The following TMCC2 variants were observed in gnomAD, a reference collection of about 807,000 sequenced individuals.
TMCC2 encodes transmembrane and coiled-coil domains protein 2.
A neutral mutation model predicts 49.4 loss-of-function variants in TMCC2; 16 were observed. The observed-to-expected ratio is 0.32, with a 90% confidence interval of 0.22 to 0.49. The LOEUF (loss-of-function observed/expected upper bound fraction) is 0.49. TMCC2 is among the 20% of genes least tolerant of loss of function. The probability of loss-of-function intolerance (pLI) is 0.99; values close to 1 mark genes in which losing one functional copy is unlikely to be tolerated. For synonymous variants in TMCC2, 397 were observed against 434.1 expected (o/e 0.91, Z 1.06); for missense variants, 762 against 989.8 (o/e 0.77, Z 3.09).
At chr1:205,230,577 C>T (rs2102515188) in intron 1 of TMCC2, among the ~76,000 whole-genome samples, 1 of 152,286 alleles carries the variant, frequency 6.6e-6, no homozygotes, top group Admixed American at 6.5e-5. Flanking sequence ...CTGAGCCGGT[C>T]CAGATGAGTC....
At chr1:205,259,585 G>C (rs1661021022) in intron 2 of TMCC2, among the ~76,000 whole-genome samples, 2 of 152,312 alleles carry the variant, frequency 1.3e-5, no homozygotes, top group Middle Eastern at 3.4e-3. Flanking sequence ...TGTCTACTGT[G>C]TGCCTCCCGG....
At chr1:205,228,804 C>G (rs1250057085) in intron 1 of TMCC2, 33 bp downstream of exon 1, 4 of 1,555,906 alleles carry the variant, frequency 2.6e-6, no homozygotes, top group Non-Finnish European at 3.5e-6. Context: ...GCAAGCCCAG[C>G]CCGCGACTTA....
chr1:205,271,013 G>T (rs1668868), intron 3 of TMCC2, 107 bp from the exon 4 acceptor site: 544,211 of 1,466,914 alleles, frequency 0.37, 105,244 homozygotes, highest in African/African-American at 0.54. Flanking sequence ...GCTGGACACG[G>T]GGGATGGGCT....
Position 205,252,412 on chromosome 1 carries a change from A to G in TMCC2, c.747+10368A>G, listed in dbSNP as rs140243031. Among the ~76,000 whole-genome samples the G allele has an allele frequency of 4.9e-4, 74 of 152,348 alleles. 1 individual carries two copies. In the East Asian group the frequency reaches 0.011, roughly 23 times the overall value. Reference sequence around the variant, plus strand: ...ATTCCTCCACGTATTCCTAGGAAGCATGCCCACCTGGGTTGCTGCTGTTCA... The same window carrying G: ...ATTCCTCCACGTATTCCTAGGAAGCGTGCCCACCTGGGTTGCTGCTGTTCA... On this transcript the variant is annotated intron_variant, in intron 2 of 4. Coordinates refer to ENST00000358024, the MANE Select transcript of TMCC2 (RefSeq NM_014858.4).
At chr1:205,270,727 C>T (rs1430042436) in intron 3 of TMCC2, among the ~76,000 whole-genome samples, 2 of 152,194 alleles carry the variant, frequency 1.3e-5, no homozygotes. Context: ...ACCCAGAGAG[C>T]ATCTGAGCCT....
At chr1:205,254,523 C>G (rs765453689) in intron 2 of TMCC2, among the ~76,000 whole-genome samples, 2 of 152,200 alleles carry the variant, frequency 1.3e-5, no homozygotes, top group Non-Finnish European at 2.9e-5. Flanking sequence ...AAGCATTGCT[C>G]TGCTGCTAGC....
At chr1:205,229,565 C>A (rs1032229054) in intron 1 of TMCC2, 6 of 481,450 alleles carry the variant, frequency 1.2e-5, no homozygotes, top group African/African-American at 1.3e-4. Flanking sequence ...GGGGTGGTGG[C>A]GGGGGCGGGG....
At chr1:205,258,483 A>G (rs1660968261) in intron 2 of TMCC2, among the ~76,000 whole-genome samples, 1 of 151,814 alleles carries the variant, frequency 6.6e-6, no homozygotes, top group African/African-American at 2.4e-5. Context: ...CACCAATTAA[A>G]CCGATAGGTA....
rs376579597 is a variant in TMCC2 at position 205,272,163 on chromosome 1, G to T, written c.*39G>T. 2.8e-5 allele frequency: 45 copies of T among 1,594,732 alleles called. No individual in the cohort carries two copies. The African/African-American group carries it at 5.0e-4, about 18-fold the overall frequency. The stretch of plus-strand genomic sequence containing the variant: ...CCAACCCTGTGCTCTCTGGCCCCCA[G>T]CTGGCCACACTTCTCCAGGAGGGAC... On this transcript the variant is annotated 3_prime_UTR_variant, in exon 5 of 5. Coordinates refer to ENST00000358024, the MANE Select transcript of TMCC2 (RefSeq NM_014858.4).
chr1:205,268,911 G>A (rs1661456310), intron 2 of TMCC2, 39 bp from the exon 3 acceptor site: 2 of 1,599,658 alleles, frequency 1.3e-6, no homozygotes, highest in African/African-American at 2.7e-5. Flanking sequence ...TATGGTCCCA[G>A]GGTTTACCCA....
At chr1:205,271,360 C>T (rs1209216697) in intron 4 of TMCC2, 105 bp downstream of exon 4, 1 of 1,588,540 alleles carries the variant, frequency 6.3e-7, no homozygotes, top group African/African-American at 1.3e-5. Flanking sequence ...CACAGGCTGG[C>T]CTGTTGGCCG....
At chr1:205,269,908 T>A in intron 3 of TMCC2, 24 bp downstream of exon 3, 1 of 1,596,410 alleles carries the variant, frequency 6.3e-7, no homozygotes. Flanking sequence ...CACCCCCTCC[T>A]GCAGCCCAGC....
chr1:205,253,184 G>A (rs960758672), intron 2 of TMCC2, among the ~76,000 whole-genome samples: 2 of 151,884 alleles, frequency 1.3e-5, no homozygotes, highest in Admixed American at 1.3e-4. Flanking sequence ...GCAGTGGGGA[G>A]AGAACGGAAG....
chr1:205,269,853 A>G lies in TMCC2; in HGVS notation c.1651A>G (p.Met551Val), dbSNP rs1185403641. 1.9e-6 allele frequency: 3 copies of G among 1,613,796 alleles called. No homozygotes were observed. Among genetic ancestry groups the G allele is most frequent in the African/African-American group, 2.7e-5 (2 of 74,908 alleles). ...TCAGCTGCAGAGGGACTACACCTAC[A>G]TGACCCAGTGCCTGCAGGAGGAGCG... ...KTQLQRDYTY[M>V]TQCLQEERYR... is the part of the protein sequence containing the mutation. Residue 551 changes from methionine to valine, a missense_variant, in exon 3 of 5, where the codon ATG (methionine) becomes GTG (valine). Physicochemically the swap from Met to Val is conservative, Grantham distance 21 (BLOSUM62 1). Coordinates refer to ENST00000358024, the MANE Select transcript of TMCC2 (RefSeq NM_014858.4).
chr1:205,257,672 A>G (rs1660933849), intron 2 of TMCC2, among the ~76,000 whole-genome samples: 2 of 152,130 alleles, frequency 1.3e-5, no homozygotes, highest in Admixed American at 1.3e-4. Context: ...CAGGCACCTT[A>G]TTAAGTGGAG....
intron 2 of TMCC2, among the ~76,000 whole-genome samples, chr1:205,244,840 G>C (rs577818639): frequency 6.6e-6 from 1 of 152,176 alleles, no homozygotes; most frequent in African/African-American, 2.4e-5. Context: ...AAAGGAGATG[G>C]GGGTACTGAG....
chr1:205,270,287 A>G lies in TMCC2; in HGVS notation c.1682+403A>G, dbSNP rs16855298. On this transcript the variant is annotated intron_variant, in intron 3 of 4. Transcript: ENST00000358024. ...GGTCTCGATCTCCTGACCTCAATTC[A>G]GGGATGACATTAATTCCTTCTTCAT... Among the ~76,000 whole-genome samples, 831 of 152,324 alleles carry G rather than the reference A, an allele frequency of 5.5e-3. 14 individuals carry two copies. Among genetic ancestry groups the G allele is most frequent in the African/African-American group, 0.019 (790 of 41,580 alleles).
intron 2 of TMCC2, among the ~76,000 whole-genome samples, chr1:205,245,091 G>A (rs893050017): frequency 4.6e-5 from 7 of 152,150 alleles, no homozygotes; most frequent in African/African-American, 1.7e-4. Context: ...CAGGAAGGAG[G>A]GCAGCAGGTC....
At chr1:205,254,371 C>T (rs888327941) in intron 2 of TMCC2, among the ~76,000 whole-genome samples, 3 of 152,224 alleles carry the variant, frequency 2.0e-5, no homozygotes, top group Non-Finnish European at 2.9e-5. Context: ...GGAAGTGAGT[C>T]TCACGCCCAG....
Sources: gnomAD v4.1 joint callset for allele counts (sites outside exome capture counted in the v4.1 genomes callset) on GRCh38, gnomAD v4.1.1 for gene constraint, MANE v1.5 for transcripts, NCBI Gene and HGNC (gene_info 2026-07-23, HGNC 2026-07-21) for gene names.